The following ALMS1 variants were observed in gnomAD, a reference collection of about 807,000 sequenced individuals.
ALMS1 encodes the protein centrosome-associated protein ALMS1.
ALMS1 carries 271 observed loss-of-function variants against 352.2 expected under a neutral mutation model. The observed-to-expected ratio is 0.77, with a 90% CI of 0.70 to 0.85. ALMS1 has a LOEUF of 0.85. ALMS1 is among the 40% of genes least tolerant of loss of function. The pLI is 0.00. For missense variants in ALMS1, 5,445 were observed against 4,870.7 expected (o/e 1.12, Z -3.51); for synonymous variants, 1,865 against 1,761.2 (o/e 1.06, Z -1.48).
At position 73,490,126 on chromosome 2, in the gene ALMS1, T is replaced by G; in HGVS notation, c.8167T>G (p.Ser2723Ala). The G allele has an allele frequency of 6.2e-7, 1 of 1,614,152 alleles. No individual in the cohort carries two copies. Among genetic ancestry groups the G allele is most frequent in the Non-Finnish European group, 8.5e-7 (1 of 1,180,026 alleles). The change falls in exon 10 of 23, where the codon TCT (serine) becomes GCT (alanine). Residue 2723 changes from serine (S) to alanine (A), a missense_variant. Physicochemically the swap from Ser to Ala is moderately conservative, Grantham distance 99. Transcript: ENST00000613296. ...CATCACTTTTTCATCTCACCGACAT[T>G]CTAAATGCATTTCCAATTCCTCTGT... ...TSITFSSHRH[S>A]KCISNSSVVK... is the part of the protein sequence containing the mutation.
At chr2:73,485,028 C>A (rs1433616156) in intron 9 of ALMS1, among the ~76,000 whole-genome samples, 1 of 152,102 alleles carries the variant, frequency 6.6e-6, no homozygotes, top group African/African-American at 2.4e-5. Flanking sequence ...GAATGTCCTC[C>A]CGTAGCTCAG....
At chr2:73,487,835 A>G (rs1334494519) in intron 9 of ALMS1, among the ~76,000 whole-genome samples, 3 of 151,996 alleles carry the variant, frequency 2.0e-5, no homozygotes, top group African/African-American at 7.2e-5. Flanking sequence ...GGAGAGGAGA[A>G]CCTAGAGTGG....
rs1040684345 is a variant in ALMS1, at chr2:73,448,495, G to A, written c.1968G>A (p.Glu656=). The change falls in exon 8 of 23, where the codon GAG becomes GAA. Residue 656 remains glutamate (E), a synonymous_variant. Coordinates refer to ENST00000613296, the MANE Select transcript of ALMS1 (RefSeq NM_001378454.1). ...TTTCAGCTGCTCCTGGCCCAGTGGAGCAGAAGACGGGAATACCTACAGTAT... is the reference window on the plus strand; with the variant it reads ...TTTCAGCTGCTCCTGGCCCAGTGGAACAGAAGACGGGAATACCTACAGTAT... ...LEVSAAPGPV[E]QKTGIPTVSS... is the part of the protein sequence containing the mutation. 5 of 1,613,722 alleles carry A rather than the reference G, an allele frequency of 3.1e-6. No individual in the cohort carries two copies. In the African/African-American group the frequency reaches 6.7e-5, roughly 22 times the overall value.
At chr2:73,502,589 A>G (rs1673239893) in intron 10 of ALMS1, among the ~76,000 whole-genome samples, 1 of 152,034 alleles carries the variant, frequency 6.6e-6, no homozygotes, top group Non-Finnish European at 1.5e-5. Flanking sequence ...ATGTTTTCTA[A>G]GTGAGTTTTA....
intron 2 of ALMS1, among the ~76,000 whole-genome samples, chr2:73,410,496 T>C (rs1671054588): frequency 6.6e-6 from 1 of 152,362 alleles, no homozygotes; most frequent in African/African-American, 2.4e-5. Context: ...GGACACTCCA[T>C]GATCCAGTCA....
At chr2:73,520,244 G>T (rs1673649262) in intron 11 of ALMS1, among the ~76,000 whole-genome samples, 1 of 152,134 alleles carries the variant, frequency 6.6e-6, no homozygotes, top group African/African-American at 2.4e-5. Flanking sequence ...TGCTGTTTGT[G>T]TTAAAACTTA....
At chr2:73,536,552 C>G (rs1674033333) in intron 12 of ALMS1, among the ~76,000 whole-genome samples, 1 of 151,450 alleles carries the variant, frequency 6.6e-6, no homozygotes, top group Non-Finnish European at 1.5e-5. Flanking sequence ...TTTCTTAGAC[C>G]AGTAGACCTA....
Position 73,450,411 on chromosome 2 carries a change from T to A in ALMS1, c.3884T>A (p.Ile1295Asn). 1.2e-6 allele frequency: 2 copies of A among 1,613,368 alleles called. No homozygotes were observed. The highest frequency in any genetic ancestry group is 1.1e-5 in the South Asian group (1 of 91,038). Residue 1295 changes from isoleucine (I) to asparagine (N), a missense_variant, in exon 8 of 23, where the codon ATT becomes AAT. By Grantham distance (149) the Ile-to-Asn change is moderately radical. Transcript: ENST00000613296. ...TCACAATATAGAGAGAAGCCCAGCATTTTCTACCAACAGTCGTTGCCAAGT... is the reference window on the plus strand; with the variant it reads ...TCACAATATAGAGAGAAGCCCAGCAATTTCTACCAACAGTCGTTGCCAAGT... ...SYSQYREKPS[I>N]FYQQSLPSSH...
chr2:73,534,419 G>C (rs1444399584), intron 11 of ALMS1, among the ~76,000 whole-genome samples: 4 of 152,090 alleles, frequency 2.6e-5, no homozygotes, highest in Non-Finnish European at 5.9e-5. Flanking sequence ...TTCGATGTAA[G>C]ATAACATGTT....
intron 22 of ALMS1, 55 bp downstream of exon 22, chr2:73,608,629 A>G: frequency 7.1e-7 from 1 of 1,406,572 alleles, no homozygotes; most frequent in Non-Finnish European, 1.0e-6. Context: ...GCGGAAAGAG[A>G]AATGGAGAAA....
chr2:73,486,017 C>T lies in ALMS1; in HGVS notation c.7675-3617C>T, dbSNP rs373640891. Reference sequence around the variant, plus strand: ...GAACCCAGTACCTCAGATGGAAGTGCAGAAATCACCGTCTTCTGCGTGGCT... The same window carrying T: ...GAACCCAGTACCTCAGATGGAAGTGTAGAAATCACCGTCTTCTGCGTGGCT... On this transcript the variant is annotated intron_variant, in intron 9 of 22. Coordinates refer to ENST00000613296, the MANE Select transcript of ALMS1 (RefSeq NM_001378454.1). Among the ~76,000 whole-genome samples, 25 of 152,166 alleles carry T rather than the reference C, an allele frequency of 1.6e-4. 1 individual carries two copies. The East Asian group carries it at 4.9e-3, about 30-fold the overall frequency.
chr2:73,449,341 T>C lies in ALMS1; in HGVS notation c.2814T>C (p.Ser938=). 1 of 1,614,134 alleles carries C rather than the reference T, an allele frequency of 6.2e-7. No individual in the cohort carries two copies. The highest frequency in any genetic ancestry group is 8.5e-7 in the Non-Finnish European group (1 of 1,179,996). ...AAGCTCTGAAGGTTTCAGCTGTTTC[T>C]GTATTGGCTGCCCAGAAGACTGGGA... ...PEEALKVSAV[S]VLAAQKTGTP... is the part of the protein sequence containing the mutation. The change falls in exon 8 of 23, where the codon TCT becomes TCC. Residue 938 remains serine, a synonymous_variant. Coordinates refer to ENST00000613296, the MANE Select transcript of ALMS1 (RefSeq NM_001378454.1).
chr2:73,440,367 A>T (rs939672087), intron 7 of ALMS1, among the ~76,000 whole-genome samples: 3 of 152,030 alleles, frequency 2.0e-5, no homozygotes, highest in Admixed American at 2.0e-4. Context: ...CAAATTTGGG[A>T]TGTTTTCAGA....
chr2:73,600,607 A>C, intron 17 of ALMS1, 71 bp from the exon 18 acceptor site: 1 of 1,385,130 alleles, frequency 7.2e-7, no homozygotes, highest in South Asian at 1.4e-5. Context: ...GGGTTCACGT[A>C]CTCACTTGAA....
At chr2:73,571,935 G>A (rs1323812067) in intron 15 of ALMS1, among the ~76,000 whole-genome samples, 2 of 152,214 alleles carry the variant, frequency 1.3e-5, no homozygotes, top group East Asian at 3.9e-4. Flanking sequence ...CAGAGCATAT[G>A]TCATAACACC....
intron 7 of ALMS1, among the ~76,000 whole-genome samples, chr2:73,442,901 T>A (rs1013306880): frequency 6.6e-6 from 1 of 152,180 alleles, no homozygotes; most frequent in Non-Finnish European, 1.5e-5. Context: ...GTCAGAACTT[T>A]AAAAATGGAG....
intron 15 of ALMS1, among the ~76,000 whole-genome samples, chr2:73,565,374 A>G (rs1674780749): frequency 6.6e-6 from 1 of 152,244 alleles, no homozygotes; most frequent in Non-Finnish European, 1.5e-5. Flanking sequence ...TCTGTAGTAT[A>G]GCAATAGTAT....
intron 2 of ALMS1, among the ~76,000 whole-genome samples, chr2:73,413,123 T>A (rs753173284): frequency 3.3e-5 from 5 of 152,174 alleles, no homozygotes; most frequent in Non-Finnish European, 7.3e-5. Context: ...TCCATGTTTC[T>A]TCTTCAGTGA....
At chr2:73,500,598 A>G (rs1673199226) in intron 10 of ALMS1, among the ~76,000 whole-genome samples, 1 of 152,140 alleles carries the variant, frequency 6.6e-6, no homozygotes, top group Admixed American at 6.6e-5. Flanking sequence ...ATAAGGAAAA[A>G]GGGGATTCCA....
Sources: gnomAD v4.1 joint callset for allele counts (sites outside exome capture counted in the v4.1 genomes callset) on GRCh38, gnomAD v4.1.1 for gene constraint, MANE v1.5 for transcripts, NCBI Gene and HGNC (gene_info 2026-07-23, HGNC 2026-07-21) for gene names.